The following AJAP1 variants were observed in gnomAD, a reference collection of about 807,000 sequenced individuals.
The protein encoded by AJAP1 is adherens junction-associated protein 1.
A neutral mutation model predicts 35.0 loss-of-function variants in AJAP1; 5 were observed. That is an observed-to-expected ratio of 0.14 (90% confidence interval 0.07 to 0.30). The LOEUF (loss-of-function observed/expected upper bound fraction) is 0.30, where lower values mean the gene tolerates loss of function less well. Ranked by LOEUF, AJAP1 falls within the 10% of genes least tolerant of loss-of-function variation. AJAP1 has a pLI of 1.00. For missense variants in AJAP1, 586 were observed against 571.0 expected (o/e 1.03, Z -0.27); for synonymous variants, 284 against 249.3 (o/e 1.14, Z -1.31).
At chr1:4,685,637 G>A (rs1016511895) in intron 1 of AJAP1, among the ~76,000 whole-genome samples, 9 of 121,784 alleles carry the variant, frequency 7.4e-5, no homozygotes, top group Non-Finnish European at 1.4e-4. Context: ...GCTCATTGCC[G>A]GGACCCAAGA....
intron 1 of AJAP1, among the ~76,000 whole-genome samples, chr1:4,694,906 G>A (rs1194844126): frequency 6.6e-6 from 1 of 152,200 alleles, no homozygotes; most frequent in Non-Finnish European, 1.5e-5. Context: ...GCAGCTGAGT[G>A]GACGGACACT....
At chr1:4,711,846 G>A (rs1346990953) in intron 1 of AJAP1, 54 bp from the exon 2 acceptor site, 20 of 1,376,860 alleles carry the variant, frequency 1.5e-5, no homozygotes, top group Admixed American at 5.9e-5. Flanking sequence ...CCGGGGCCCA[G>A]TCCCCCTCCT....
At chr1:4,705,663 C>G (rs183045009) in intron 1 of AJAP1, among the ~76,000 whole-genome samples, 5 of 151,716 alleles carry the variant, frequency 3.3e-5, no homozygotes, top group East Asian at 3.9e-4. Context: ...CACAGAAGGC[C>G]GGTCTCATCA....
chr1:4,744,463 G>C (rs1038599641), intron 2 of AJAP1, among the ~76,000 whole-genome samples: 25 of 152,146 alleles, frequency 1.6e-4, no homozygotes, highest in African/African-American at 6.0e-4. Context: ...GGGAGGATGT[G>C]GGCCTGGCTG....
In AJAP1 at chr1:4,782,792, G is replaced by A. The variant is rs1642089867; in HGVS notation, c.*307G>A. ...GAAGAAAGGAAAGAAAGGAACCAGA[G>A]GCAGAGAGACGAGGATACCCAGCGA... is the stretch of plus-strand genomic sequence containing the variant. On this transcript the variant is annotated 3_prime_UTR_variant, in exon 6 of 6. Transcript: ENST00000378191. The surrounding 1 kb of genome is among the most constrained non-coding windows in gnomAD (Gnocchi z 5.3). The A allele has an allele frequency of 2.5e-6, 1 of 398,544 alleles. No homozygotes were observed. The highest frequency in any genetic ancestry group is 1.3e-4 in the South Asian group (1 of 7,862). The allele number at this position is 398,544 out of a possible 1,614,324, so 24.7% of individuals were successfully genotyped here.
intron 2 of AJAP1, among the ~76,000 whole-genome samples, chr1:4,741,094 G>A (rs1198052236): frequency 1.3e-5 from 2 of 152,090 alleles, no homozygotes; most frequent in African/African-American, 4.8e-5. Context: ...GGCAGGGCTG[G>A]GAGGTCTGCC....
At position 4,723,295 on chromosome 1, in the gene AJAP1, C is replaced by T. The variant is rs12085854; in HGVS notation, c.829+10596C>T. Among the ~76,000 whole-genome samples, 44,162 of 152,052 alleles carry T rather than the reference C, an allele frequency of 0.29. 6,909 individuals carry two copies. Among genetic ancestry groups the T allele is most frequent in the Admixed American group, 0.37 (5,644 of 15,278 alleles). On this transcript the variant is annotated intron_variant, in intron 2 of 5. Transcript: ENST00000378191. The surrounding 1 kb of genome is among the most constrained non-coding windows in gnomAD (Gnocchi z 4.3). ...CACCCTGGCGGCCGTCCAAGGGGAG[C>T]GCCTGTGGATACTCCTTGGATTCCT...
chr1:4,740,611 C>T (rs1641042505), intron 2 of AJAP1, among the ~76,000 whole-genome samples: 1 of 151,552 alleles, frequency 6.6e-6, no homozygotes, highest in African/African-American at 2.4e-5. Flanking sequence ...TGGTGAAACC[C>T]CGTCTCTACT....
At position 4,734,509 on chromosome 1, in the gene AJAP1, C is replaced by T. The variant is rs1640874004; in HGVS notation, c.829+21810C>T. On this transcript the variant is annotated intron_variant, in intron 2 of 5. Transcript: ENST00000378191. The surrounding 1 kb of genome is among the most constrained non-coding windows in gnomAD (Gnocchi z 4.3). ...CCAGGGATGGTGTGTTGACAGCCTGCACTCATCTGACTGTATCTCCTTCAG... is the reference window on the plus strand; with the variant it reads ...CCAGGGATGGTGTGTTGACAGCCTGTACTCATCTGACTGTATCTCCTTCAG... 6.6e-6 allele frequency among the ~76,000 whole-genome samples: 1 copy of T among 152,180 alleles called. No homozygotes were observed. The highest frequency in any genetic ancestry group is 6.5e-5 in the Admixed American group (1 of 15,290).
At chr1:4,721,922 A>G (rs1378721357) in intron 2 of AJAP1, among the ~76,000 whole-genome samples, 1 of 152,200 alleles carries the variant, frequency 6.6e-6, no homozygotes, top group Non-Finnish European at 1.5e-5. Context: ...CTGTATTTGT[A>G]CATTTAAGCG....
chr1:4,713,605 G>A lies in AJAP1; in HGVS notation c.829+906G>A, dbSNP rs111896668. Among the ~76,000 whole-genome samples the A allele has an allele frequency of 4.4e-4, 67 of 152,322 alleles. 3 individuals carry two copies. The South Asian group carries it at 0.013, about 30-fold the overall frequency. On this transcript the variant is annotated intron_variant, in intron 2 of 5. Coordinates refer to ENST00000378191, the MANE Select transcript of AJAP1 (RefSeq NM_018836.4). ...TTCACAGCAGGCCTGCGGGGAGAGC[G>A]CAGAGCCCTGGGCACCCCGTCACCC...
intron 2 of AJAP1, among the ~76,000 whole-genome samples, chr1:4,753,506 A>G (rs1230339472): frequency 6.7e-6 from 1 of 149,842 alleles, no homozygotes; most frequent in Non-Finnish European, 1.5e-5. Context: ...AGTAGTATTT[A>G]TATGTGTCCC....
chr1:4,768,045 C>T lies in AJAP1; in HGVS notation c.830-1808C>T, dbSNP rs546750509. 2.0e-5 allele frequency among the ~76,000 whole-genome samples: 3 copies of T among 152,350 alleles called. No individual in the cohort carries two copies. The East Asian group carries it at 5.8e-4, about 29-fold the overall frequency. ...CTGTTGCATAACTTAGCTTTCAACT[C>T]ATTAGCAAACCAACTTGGCAGTCCC... On this transcript the variant is annotated intron_variant, in intron 2 of 5. Coordinates refer to ENST00000378191, the MANE Select transcript of AJAP1 (RefSeq NM_018836.4).
chr1:4,700,132 A>C (rs1639953041), intron 1 of AJAP1, among the ~76,000 whole-genome samples: 1 of 152,168 alleles, frequency 6.6e-6, no homozygotes, highest in African/African-American at 2.4e-5. Context: ...ACGTGGTGCC[A>C]GGGCAGCTGT....
rs865860149 is a variant in AJAP1 at position 4,782,848 on chromosome 1, G to A, written c.*363G>A. The stretch of plus-strand genomic sequence containing the variant: ...ACGGGAGGAAGCATCCGAAACCTAG[G>A]ATTCGTCCTACGATTCTGAACCTGT... On this transcript the variant is annotated 3_prime_UTR_variant, in exon 6 of 6. Coordinates refer to ENST00000378191, the MANE Select transcript of AJAP1 (RefSeq NM_018836.4). The surrounding 1 kb of genome is among the most constrained non-coding windows in gnomAD (Gnocchi z 5.3). 9 of 398,618 alleles carry A rather than the reference G, an allele frequency of 2.3e-5. No homozygotes were observed. Among genetic ancestry groups the A allele is most frequent in the Admixed American group, 2.2e-4 (5 of 22,738 alleles). 24.7% of individuals were successfully genotyped at this position (398,618 alleles called of 1,614,324 possible).
At chr1:4,698,757 G>C (rs1639921956) in intron 1 of AJAP1, among the ~76,000 whole-genome samples, 1 of 152,162 alleles carries the variant, frequency 6.6e-6, no homozygotes, top group Non-Finnish European at 1.5e-5. Context: ...CCATGGCTCT[G>C]AGTTCTGAAA....
chr1:4,666,730 ACGGGAGGGGTGCGGAGAGGGGCCCG>A (rs1639132604), intron 1 of AJAP1, among the ~76,000 whole-genome samples: 4 of 50,722 alleles, frequency 7.9e-5, no homozygotes, highest in African/African-American at 3.0e-4. Flanking sequence ...CCTGTGAATC[ACGGGAGGGGTGCGGAGAGGGGCCCG>A]TGAATCACGG....
At position 4,655,174 on chromosome 1, in the gene AJAP1, G is replaced by C. The variant is rs1638848282; in HGVS notation, c.-252G>C. The C allele has an allele frequency of 6.7e-6, 1 of 148,700 alleles. No homozygotes were observed. The allele number at this position is 148,700 out of a possible 1,614,324, so 9.2% of individuals were successfully genotyped here. The stretch of plus-strand genomic sequence containing the variant: ...GAGGGGGCCGCGAGCCCCGCGCCCC[G>C]GCCGGAGGATGTGCGCCCCCGCGGG... On this transcript the variant is annotated 5_prime_UTR_variant, in exon 1 of 6. Transcript: ENST00000378191. This position sits in a 1 kb window ranked among gnomAD's most constrained non-coding sequence, Gnocchi z 6.9.
intron 2 of AJAP1, among the ~76,000 whole-genome samples, chr1:4,716,059 T>C (rs1640382036): frequency 6.6e-6 from 1 of 152,272 alleles, no homozygotes; most frequent in African/African-American, 2.4e-5. Context: ...GATAAATATT[T>C]AGAAGGGACA....
Sources: gnomAD v4.1 joint callset for allele counts (sites outside exome capture counted in the v4.1 genomes callset) on GRCh38, gnomAD v4.1.1 for gene constraint, Gnocchi (gnomAD v3.1) non-coding constraint, MANE v1.5 for transcripts, NCBI Gene and HGNC (gene_info 2026-07-23, HGNC 2026-07-21) for gene names.